The following PRELID2 variants were observed in gnomAD, a reference collection of about 807,000 sequenced individuals.
PRELID2 encodes PRELI domain containing 2.
Under a neutral mutation model 28.4 loss-of-function variants are expected in PRELID2, and 25 were observed. That is an observed-to-expected ratio of 0.88 (90% CI 0.64 to 1.23). The LOEUF (loss-of-function observed/expected upper bound fraction) is 1.23, where lower values mean the gene tolerates loss of function less well. PRELID2 is among the 50% of genes most tolerant of loss of function. PRELID2 has a pLI of 0.00. For synonymous variants in PRELID2, 76 were observed against 71.6 expected (o/e 1.06, Z -0.31); for missense variants, 201 against 214.4 (o/e 0.94, Z 0.39).
the PRELID2 span, among the ~76,000 whole-genome samples, chr5:145,347,941 G>A: frequency 6.6e-6 from 1 of 152,042 alleles, no homozygotes; most frequent in Non-Finnish European, 1.5e-5. Context: ...TTACCATTTT[G>A]ATTCAAATGG....
chr5:145,335,620 A>G, the PRELID2 span, among the ~76,000 whole-genome samples: 2 of 152,202 alleles, frequency 1.3e-5, no homozygotes, highest in Admixed American at 1.3e-4. Context: ...AAGAAACAAA[A>G]AGGGAAAAAT....
rs70998036 is a variant in PRELID2 at position 145,758,994 on chromosome 5, A to ATTTTTTTTTTTTTTTTTTTTTTTTTTTTT, written c.*1541_*1542insAAAAAAAAAAAAAAAAAAAAAAAAAAAAA. 2.2e-5 allele frequency: 2 copies of ATTTTTTTTTTTTTTTTTTTTTTTTTTTTT among 90,592 alleles called. No homozygotes were observed. The highest frequency in any genetic ancestry group is 4.4e-5 in the African/African-American group (1 of 22,616). The allele number at this position is 90,592 out of a possible 1,614,324, so 5.6% of individuals were successfully genotyped here. A position where few individuals can be genotyped will look rare whatever the true frequency, so the allele number is the denominator to read the frequency against. On this transcript the variant is annotated 3_prime_UTR_variant, in exon 7 of 7. Coordinates refer to ENST00000683046, the MANE Select transcript of PRELID2 (RefSeq NM_205846.3). ...CCAAGACTCTCCAGTAACGGCCTGA[A>ATTTTTTTTTTTTTTTTTTTTTTTTTTTTT]TTTTTTTTTTTTTTTTTTTTTTTTG...
intron 1 of PRELID2, among the ~76,000 whole-genome samples, chr5:145,505,331 C>T (rs1186890044): frequency 1.3e-5 from 2 of 152,100 alleles, no homozygotes; most frequent in Non-Finnish European, 2.9e-5. Flanking sequence ...CTCTGAGTAG[C>T]TATGGCCTTG....
At chr5:145,743,690 G>A (rs918575618) in intron 1 of PRELID2, among the ~76,000 whole-genome samples, 4 of 152,130 alleles carry the variant, frequency 2.6e-5, no homozygotes, top group African/African-American at 9.7e-5. Context: ...CCCGTGGGTC[G>A]GAAGATCCCA....
the PRELID2 span, among the ~76,000 whole-genome samples, chr5:145,337,107 T>TATTATA: frequency 2.0e-5 from 3 of 149,814 alleles, no homozygotes; most frequent in African/African-American, 4.9e-5. Context: ...AAACTTGAAG[T>TATTATA]ATAATAATAA....
the PRELID2 span, among the ~76,000 whole-genome samples, chr5:145,388,232 C>G: frequency 6.6e-6 from 1 of 152,032 alleles, no homozygotes; most frequent in African/African-American, 2.4e-5. Context: ...CTAGTATTAT[C>G]TATTTAAAAC....
chr5:145,582,827 C>A lies in PRELID2; in HGVS notation n.71-109512G>T, dbSNP rs1189826507. 2.0e-5 allele frequency among the ~76,000 whole-genome samples: 3 copies of A among 151,948 alleles called. No homozygotes were observed. The East Asian group carries it at 5.8e-4, about 29-fold the overall frequency. On this transcript the variant is annotated intron_variant and non_coding_transcript_variant, in intron 1 of 2. Transcript: ENST00000510259. ...AAATAGCTTACTAACCAAAAAAACC[C>A]CAGGACCAGACAGATTTATAGCTGA...
In PRELID2 at chr5:145,760,469, A is replaced by T. The variant is rs1241628551; in HGVS notation, c.*67T>A. The T allele has an allele frequency of 6.6e-6, 1 of 152,046 alleles. No homozygotes were observed. Among genetic ancestry groups the T allele is most frequent in the Non-Finnish European group, 1.5e-5 (1 of 68,016 alleles). 9.4% of individuals were successfully genotyped at this position (152,046 alleles called of 1,614,324 possible). ...GTGTCTGTGATGTGCTGTGGCCAAG[A>T]AGTGATTCTCAAAAAAAAAATAAAT... On this transcript the variant is annotated 3_prime_UTR_variant, in exon 7 of 7. Coordinates refer to ENST00000683046, the MANE Select transcript of PRELID2 (RefSeq NM_205846.3).
chr5:145,741,925 TA>T lies in PRELID2; in HGVS notation n.70+23005del, dbSNP rs1176788438. Among the ~76,000 whole-genome samples, 116 of 73,698 alleles carry T rather than the reference TA, an allele frequency of 1.6e-3. 2 individuals carry two copies. Among genetic ancestry groups the T allele is most frequent in the African/African-American group, 4.8e-3 (107 of 22,408 alleles). The allele number at this position is 73,698 out of a possible 152,430, so 48.3% of individuals were successfully genotyped here. A position where few individuals can be genotyped will look rare whatever the true frequency, so the allele number is the denominator to read the frequency against. ...TTAAATTTATATATAAATAAACAAA[TA>T]AATTTATTATAAATAAATAAATTTA... On this transcript the variant is annotated intron_variant and non_coding_transcript_variant, in intron 1 of 2. Transcript: ENST00000510259.
intron 5 of PRELID2, among the ~76,000 whole-genome samples, chr5:145,790,863 A>G (rs1437278168): frequency 2.1e-5 from 3 of 143,564 alleles, no homozygotes; most frequent in East Asian, 4.1e-4. Flanking sequence ...TATTAAACAT[A>G]TAATTAATCC....
At chr5:145,528,459 G>A (rs183035821) in intron 1 of PRELID2, among the ~76,000 whole-genome samples, 137 of 152,160 alleles carry the variant, frequency 9.0e-4, no homozygotes, top group Non-Finnish European at 1.9e-4. Context: ...CCAACAGAGA[G>A]CAGGTTTCTT....
the PRELID2 span, among the ~76,000 whole-genome samples, chr5:145,408,431 T>TGTATAACATATATATGTATAATATATAC: frequency 6.9e-6 from 1 of 145,386 alleles, no homozygotes; most frequent in Non-Finnish European, 1.5e-5. Context: ...ATAATATATA[T>TGTATAACATATATATGTATAATATATAC]GTATAACATA....
chr5:145,703,412 G>T (rs1420915489), intron 1 of PRELID2, among the ~76,000 whole-genome samples: 1 of 152,126 alleles, frequency 6.6e-6, no homozygotes, highest in Non-Finnish European at 1.5e-5. Context: ...TGGTAGACAT[G>T]CCCCAAATAC....
chr5:145,312,448 T>C, the PRELID2 span, among the ~76,000 whole-genome samples: 1 of 152,184 alleles, frequency 6.6e-6, no homozygotes, highest in Non-Finnish European at 1.5e-5. Context: ...TCTCCAGAAC[T>C]TATTTCTCCT....
At chr5:145,427,199 C>T in the PRELID2 span, among the ~76,000 whole-genome samples, 1 of 152,206 alleles carries the variant, frequency 6.6e-6, no homozygotes. Context: ...ATTGGAGCTG[C>T]TGTGCAATAT....
chr5:145,565,727 A>G (rs1373383106), intron 1 of PRELID2, among the ~76,000 whole-genome samples: 1 of 152,238 alleles, frequency 6.6e-6, no homozygotes, highest in African/African-American at 2.4e-5. Flanking sequence ...ATTTCAAATC[A>G]TGTCATTCTC....
chr5:145,304,369 A>G, the PRELID2 span, among the ~76,000 whole-genome samples: 1 of 152,194 alleles, frequency 6.6e-6, no homozygotes, highest in Non-Finnish European at 1.5e-5. Flanking sequence ...TAAAAACAAA[A>G]TTTATTTATA....
At chr5:145,617,373 C>T (rs1053183003) in intron 1 of PRELID2, among the ~76,000 whole-genome samples, 1 of 152,182 alleles carries the variant, frequency 6.6e-6, no homozygotes, top group African/African-American at 2.4e-5. Flanking sequence ...GCAGTAAAGA[C>T]AGGCGTAAGA....
chr5:145,634,951 C>T (rs1211087841), intron 1 of PRELID2, among the ~76,000 whole-genome samples: 1 of 152,190 alleles, frequency 6.6e-6, no homozygotes, highest in African/African-American at 2.4e-5. Context: ...TCTGTAGCAG[C>T]CAGTCACAGT....
Sources: gnomAD v4.1 joint callset for allele counts (sites outside exome capture counted in the v4.1 genomes callset) on GRCh38, gnomAD v4.1.1 for gene constraint, MANE v1.5 for transcripts, NCBI Gene and HGNC (gene_info 2026-07-23, HGNC 2026-07-21) for gene names.